Variants in PTPRD observed in about 807,000 individuals in gnomAD.
PTPRD encodes receptor-type tyrosine-protein phosphatase delta.
In PTPRD, 34 loss-of-function variants were observed where a neutral mutation model predicts 214.5. The ratio of observed to expected loss-of-function variants is 0.16; its 90% CI spans 0.12 to 0.21. The LOEUF is 0.21. Among genes scored for constraint, PTPRD ranks in the 10% least tolerant of loss-of-function variants. The probability of loss-of-function intolerance (pLI) is 1.00; values close to 1 mark genes in which losing one functional copy is unlikely to be tolerated. For synonymous variants in PTPRD, 1,128 were observed against 845.7 expected (o/e 1.33, Z -5.79); for missense variants, 2,545 against 2,398.7 (o/e 1.06, Z -1.27).
At chr9:8,982,698 T>A (rs192557923) in intron 11 of PTPRD, among the ~76,000 whole-genome samples, 2 of 152,182 alleles carry the variant, frequency 1.3e-5, no homozygotes, top group Non-Finnish European at 1.5e-5. Context: ...TTCATTCCTA[T>A]CTGCAAGTTC....
chr9:10,079,708 G>C (rs914153724), intron 3 of PTPRD, among the ~76,000 whole-genome samples: 2 of 152,070 alleles, frequency 1.3e-5, no homozygotes, highest in African/African-American at 4.8e-5. Flanking sequence ...AAATCTTCGT[G>C]CTAGTCATTC....
intron 11 of PTPRD, among the ~76,000 whole-genome samples, chr9:8,879,379 A>AT (rs2098422786): frequency 6.6e-6 from 1 of 152,024 alleles, no homozygotes; most frequent in South Asian, 2.1e-4. Context: ...CTCTGCATTC[A>AT]TTTTTTCATT....
Position 9,498,315 on chromosome 9 carries a change from T to C in PTPRD, c.-237+76417A>G, listed in dbSNP as rs1390451408. Among the ~76,000 whole-genome samples, 8 of 152,258 alleles carry C rather than the reference T, an allele frequency of 5.3e-5. No individual in the cohort carries two copies. In the South Asian group the frequency reaches 8.3e-4, roughly 16 times the overall value. On this transcript the variant is annotated intron_variant, in intron 8 of 45. Coordinates refer to ENST00000381196, the MANE Select transcript of PTPRD (RefSeq NM_002839.4). ...TATGAATGTTGACATAAATGATGTA[T>C]TGCACAAGTACAGGCTTCACAGATA... is the stretch of plus-strand genomic sequence containing the variant.
chr9:10,003,799 A>T (rs916835783), intron 4 of PTPRD, among the ~76,000 whole-genome samples: 1 of 151,816 alleles, frequency 6.6e-6, no homozygotes, highest in Non-Finnish European at 1.5e-5. Context: ...AACAGGTACT[A>T]TTATTTTCCC....
At chr9:9,889,797 G>GTA (rs1230120390) in intron 5 of PTPRD, among the ~76,000 whole-genome samples, 3 of 150,950 alleles carry the variant, frequency 2.0e-5, no homozygotes, top group African/African-American at 7.4e-5. Context: ...GAGTGTGTGT[G>GTA]TGTGTGTGTG....
chr9:8,990,442 G>T (rs1195412934), intron 11 of PTPRD, among the ~76,000 whole-genome samples: 1 of 152,116 alleles, frequency 6.6e-6, no homozygotes, highest in Admixed American at 6.6e-5. Flanking sequence ...CACATAGTAG[G>T]TTGTTGGGGC....
chr9:8,482,934 ATT>A (rs763035665), intron 30 of PTPRD, among the ~76,000 whole-genome samples: 7 of 152,258 alleles, frequency 4.6e-5, no homozygotes, highest in Admixed American at 1.3e-4. Context: ...CCCATTCTGA[ATT>A]AGCTGCTCTT....
intron 8 of PTPRD, among the ~76,000 whole-genome samples, chr9:9,425,356 T>C (rs1378703341): frequency 2.0e-5 from 2 of 102,046 alleles, no homozygotes; most frequent in East Asian, 4.9e-4. Context: ...TACATGTGCA[T>C]ATATATAAAA....
chr9:10,367,394 C>T (rs915354106), intron 2 of PTPRD, among the ~76,000 whole-genome samples: 3 of 152,058 alleles, frequency 2.0e-5, no homozygotes, highest in African/African-American at 7.2e-5. Flanking sequence ...GAGTTCTGCC[C>T]ACTTCCTTGC....
At position 9,735,652 on chromosome 9, in the gene PTPRD, G is replaced by C. The variant is rs139306211; in HGVS notation, c.-325-1081C>G. 3.2e-4 allele frequency among the ~76,000 whole-genome samples: 48 copies of C among 152,140 alleles called. 1 individual carries two copies. The East Asian group carries it at 8.5e-3, about 27-fold the overall frequency. ...CCTTCTCTAGTGTCTAAAATCATTT[G>C]AGAAGATCAATGCTTCACTTTTGAA... On this transcript the variant is annotated intron_variant, in intron 6 of 45. Coordinates refer to ENST00000381196, the MANE Select transcript of PTPRD (RefSeq NM_002839.4).
chr9:9,474,907 A>G (rs954863878), intron 8 of PTPRD, among the ~76,000 whole-genome samples: 1 of 151,990 alleles, frequency 6.6e-6, no homozygotes, highest in African/African-American at 2.4e-5. Flanking sequence ...CTTTTTTCCA[A>G]TGTGGATACC....
chr9:9,496,000 T>C (rs1308512889), intron 8 of PTPRD, among the ~76,000 whole-genome samples: 1 of 152,148 alleles, frequency 6.6e-6, no homozygotes, highest in Non-Finnish European at 1.5e-5. Flanking sequence ...TCAGCTCCCG[T>C]AGCAGCTGGC....
intron 2 of PTPRD, among the ~76,000 whole-genome samples, chr9:10,487,117 T>C (rs2099137872): frequency 6.6e-6 from 1 of 152,192 alleles, no homozygotes; most frequent in South Asian, 2.1e-4. Flanking sequence ...CGAGTATAGC[T>C]ACTCTCACTC....
At chr9:10,321,589 G>A (rs943756162) in intron 3 of PTPRD, among the ~76,000 whole-genome samples, 2 of 152,002 alleles carry the variant, frequency 1.3e-5, no homozygotes, top group Admixed American at 1.3e-4. Flanking sequence ...CGATTTTGAA[G>A]GGGTTTTAAA....
At chr9:10,336,828 A>C (rs965431419) in intron 3 of PTPRD, among the ~76,000 whole-genome samples, 23 of 151,704 alleles carry the variant, frequency 1.5e-4, no homozygotes, top group African/African-American at 5.6e-4. Context: ...ATACTACTAG[A>C]ACTAGACTGT....
At chr9:10,079,576 T>G (rs2098197987) in intron 3 of PTPRD, among the ~76,000 whole-genome samples, 1 of 152,112 alleles carries the variant, frequency 6.6e-6, no homozygotes, top group Non-Finnish European at 1.5e-5. Context: ...AGATTTGGAT[T>G]TTAATTCAGG....
intron 8 of PTPRD, among the ~76,000 whole-genome samples, chr9:9,501,182 T>C (rs754905428): frequency 7.9e-5 from 12 of 152,038 alleles, no homozygotes; most frequent in Non-Finnish European, 1.6e-4. Flanking sequence ...TGTGAATGGA[T>C]TAAATATTCC....
chr9:9,601,029 A>C (rs1374255845), intron 7 of PTPRD, among the ~76,000 whole-genome samples: 1 of 151,844 alleles, frequency 6.6e-6, no homozygotes, highest in Non-Finnish European at 1.5e-5. Context: ...GGAAGAACAC[A>C]ATGCTGACAA....
Position 10,288,513 on chromosome 9 carries a change from C to G in PTPRD, c.-545+52450G>C, listed in dbSNP as rs147828455. ...GAACTCACTTATAGGTCAAGTATAG[C>G]ATGAAAGAACAAAAATCTGCAATAT... On this transcript the variant is annotated intron_variant, in intron 3 of 45. Coordinates refer to ENST00000381196, the MANE Select transcript of PTPRD (RefSeq NM_002839.4). Among the ~76,000 whole-genome samples the G allele has an allele frequency of 6.0e-3, 917 of 152,174 alleles. 5 individuals are homozygous for G. Among genetic ancestry groups the G allele is most frequent in the Non-Finnish European group, 0.01 (681 of 68,008 alleles).
Sources: allele counts gnomAD v4.1 joint callset (sites outside exome capture counted in the v4.1 genomes callset), GRCh38; gene constraint gnomAD v4.1.1; transcripts MANE v1.5; gene names NCBI Gene and HGNC (gene_info 2026-07-23, HGNC 2026-07-21).